The following GAS6 variants were observed in gnomAD, a reference collection of about 807,000 sequenced individuals.
GAS6 encodes growth arrest-specific protein 6.
GAS6 carries 41 observed loss-of-function variants against 75.8 expected under a neutral mutation model. The observed-to-expected ratio is 0.54, with a 90% CI of 0.42 to 0.70. The LOEUF (loss-of-function observed/expected upper bound fraction) is 0.70. GAS6 is among the 30% of genes least tolerant of loss of function. GAS6 has a pLI of 0.00. For missense variants in GAS6, 854 were observed against 940.2 expected (o/e 0.91, Z 1.20); for synonymous variants, 432 against 412.6 (o/e 1.05, Z -0.57).
In GAS6 at chr13:113,820,725, A is replaced by T; in HGVS notation, c.*139T>A. 1 of 1,021,786 alleles carries T rather than the reference A, an allele frequency of 9.8e-7. No homozygotes were observed. The highest frequency in any genetic ancestry group is 1.4e-6 in the Non-Finnish European group (1 of 721,682). 63.3% of individuals were successfully genotyped at this position (1,021,786 alleles called of 1,614,324 possible). On this transcript the variant is annotated 3_prime_UTR_variant, in exon 15 of 15. Transcript: ENST00000327773. ...TCAGAGGCCCCAAGTCCATCTCACT[A>T]TTTACAGATATGTTACAGGCCGGGA...
At chr13:113,832,946 C>T in intron 8 of GAS6, 194 bp from the exon 9 acceptor site, 1 of 1,472,590 alleles carries the variant, frequency 6.8e-7, no homozygotes, top group Non-Finnish European at 9.0e-7. Context: ...GGCGGGCTTG[C>T]AGCAGCCGCT....
At chr13:113,824,901 GGA>G (rs2051514825) in intron 12 of GAS6, among the ~76,000 whole-genome samples, 1 of 152,314 alleles carries the variant, frequency 6.6e-6, no homozygotes, top group African/African-American at 2.4e-5. Flanking sequence ...ACCTGTGAAG[GGA>G]GAGATGATGG....
Position 113,863,608 on chromosome 13 carries a change from C to G in GAS6, c.222G>C (p.Glu74Asp). Residue 74 changes from glutamate to aspartate, a missense_variant, in exon 2 of 15, where the codon GAG becomes GAC. Physicochemically the swap from Glu to Asp is conservative, Grantham distance 45. Transcript: ENST00000327773. This position sits in a 1 kb window ranked among gnomAD's most constrained non-coding sequence, Gnocchi z 9.4. ...ECVEELCSRE[E>D]AREVFENDPE... The stretch of plus-strand genomic sequence containing the variant: ...GGTCGTTCTCGAACACCTCCCGCGC[C>G]TCCTCGCGGCTGCACAGCTCCTCCA... 2 of 1,524,370 alleles carry G rather than the reference C, an allele frequency of 1.3e-6. No homozygotes were observed. The highest frequency in any genetic ancestry group is 1.8e-6 in the Non-Finnish European group (2 of 1,136,074). 94.4% of individuals were successfully genotyped at this position (1,524,370 alleles called of 1,614,324 possible).
intron 3 of GAS6, 47 bp downstream of exon 3, chr13:113,847,979 A>G (rs1274349757): frequency 6.4e-7 from 1 of 1,570,878 alleles, no homozygotes; most frequent in African/African-American, 1.4e-5. Flanking sequence ...ACGCACCCCC[A>G]ACTATGCCTC....
At position 113,856,867 on chromosome 13, in the gene GAS6, A is replaced by G. The variant is rs78694936; in HGVS notation, c.255+6708T>C. On this transcript the variant is annotated intron_variant, in intron 2 of 14. Coordinates refer to ENST00000327773, the MANE Select transcript of GAS6 (RefSeq NM_000820.4). ...GCAGGGACGGTCAACTTAGCAATTC[A>G]GAAAAGAAACAATGTTGACTCAGAG... Among the ~76,000 whole-genome samples the G allele has an allele frequency of 3.6e-3, 544 of 152,352 alleles. 2 individuals carry two copies. The highest frequency in any genetic ancestry group is 0.01 in the Middle Eastern group (3 of 294).
At chr13:113,823,642 C>G (rs553377066) in intron 12 of GAS6, 92 bp from the exon 13 acceptor site, 2 of 1,291,372 alleles carry the variant, frequency 1.5e-6, no homozygotes, top group African/African-American at 1.5e-5. Context: ...CAGTCCCAGC[C>G]GGGGTGGGAA....
At chr13:113,842,973 A>C (rs2138650786) in intron 4 of GAS6, 1 of 396,022 alleles carries the variant, frequency 2.5e-6, no homozygotes, top group Admixed American at 4.4e-5. Context: ...GGCCTCCCCC[A>C]ACTCATTTGT....
chr13:113,840,201 G>A (rs192487929), intron 4 of GAS6: 2 of 265,896 alleles, frequency 7.5e-6, no homozygotes, highest in Non-Finnish European at 1.4e-5. Context: ...ACCCCCAGCT[G>A]ACCTGGGGGC....
rs1186204617 is a variant in GAS6 at position 113,833,111 on chromosome 13, A to C, written c.835-359T>G. 12 of 1,176,444 alleles carry C rather than the reference A, an allele frequency of 1.0e-5. No individual in the cohort carries two copies. In the South Asian group the frequency reaches 1.9e-4, roughly 19 times the overall value. The allele number at this position is 1,176,444 out of a possible 1,614,324, so 72.9% of individuals were successfully genotyped here. On this transcript the variant is annotated intron_variant, in intron 8 of 14. Transcript: ENST00000327773. ...TATGAAATAGATATGGATGCCTTGAAGATGGCTGTCCTGGAAAGTTCCCTG... is the reference window on the plus strand; with the variant it reads ...TATGAAATAGATATGGATGCCTTGACGATGGCTGTCCTGGAAAGTTCCCTG...
In GAS6 at chr13:113,839,666, C is replaced by T. The variant is rs1001613415; in HGVS notation, c.466+62G>A. 90 of 1,586,986 alleles carry T rather than the reference C, an allele frequency of 5.7e-5. No homozygotes were observed. In the African/African-American group the frequency reaches 9.3e-4, roughly 16 times the overall value. On this transcript the variant is annotated intron_variant, in intron 5 of 14. Coordinates refer to ENST00000327773, the MANE Select transcript of GAS6 (RefSeq NM_000820.4). Reference sequence around the variant, plus strand: ...CGTGCCCCGGAGTGGGAGTGAGGAGCGGGGATCAGGGCAGGGTCGGAGATG... The same window carrying T: ...CGTGCCCCGGAGTGGGAGTGAGGAGTGGGGATCAGGGCAGGGTCGGAGATG...
rs146115537 is a variant in GAS6 at position 113,850,025 on chromosome 13, A to C, written c.256-1975T>G. Among the ~76,000 whole-genome samples, 40 of 152,334 alleles carry C rather than the reference A, an allele frequency of 2.6e-4. No individual in the cohort carries two copies. The East Asian group carries it at 5.4e-3, about 21-fold the overall frequency. On this transcript the variant is annotated intron_variant, in intron 2 of 14. Coordinates refer to ENST00000327773, the MANE Select transcript of GAS6 (RefSeq NM_000820.4). The stretch of plus-strand genomic sequence containing the variant: ...TTCTGGTACACACTCCCAAGAAAGA[A>C]AGACATTTCACGTTGTCCTGAGAAC...
chr13:113,839,322 C>T (rs113847056), intron 5 of GAS6: 3,865 of 183,380 alleles, frequency 0.021, 67 homozygotes, highest in Non-Finnish European at 0.032. Flanking sequence ...GAGGTGAAAT[C>T]TCCCCCCGGC....
chr13:113,834,743 G>A (rs997105138), intron 7 of GAS6, 71 bp from the exon 8 acceptor site: 65 of 1,350,288 alleles, frequency 4.8e-5, no homozygotes, highest in South Asian at 2.0e-4. Flanking sequence ...ATCACACCGC[G>A]ATTGCTCAAA....
At chr13:113,841,794 T>C (rs2051783851) in intron 4 of GAS6, 1 of 113,272 alleles carries the variant, frequency 8.8e-6, no homozygotes. Context: ...CCCCACAGTT[T>C]CCTCCATACG....
At chr13:113,823,030 C>T in intron 13 of GAS6, 1 of 207,672 alleles carries the variant, frequency 4.8e-6, no homozygotes, top group Non-Finnish European at 9.6e-6. Context: ...AATTGGAAAA[C>T]TGAGTTTGTT....
chr13:113,855,681 C>G lies in GAS6; in HGVS notation c.256-7631G>C, dbSNP rs2051908803. On this transcript the variant is annotated intron_variant, in intron 2 of 14. Coordinates refer to ENST00000327773, the MANE Select transcript of GAS6 (RefSeq NM_000820.4). ...GGGAGTCACGCCCCGGCCTCTCCCACTGGGCTCCCAGCCTGAGCTCTGCCC... is the reference window on the plus strand; with the variant it reads ...GGGAGTCACGCCCCGGCCTCTCCCAGTGGGCTCCCAGCCTGAGCTCTGCCC... 2.6e-5 allele frequency among the ~76,000 whole-genome samples: 4 copies of G among 152,200 alleles called. No individual in the cohort carries two copies. The South Asian group carries it at 8.3e-4, about 32-fold the overall frequency.
intron 2 of GAS6, among the ~76,000 whole-genome samples, chr13:113,852,739 T>C (rs2051885567): frequency 6.6e-6 from 1 of 152,186 alleles, no homozygotes; most frequent in Non-Finnish European, 1.5e-5. Context: ...AGGTCAAGCA[T>C]GGCAGGGAGC....
At chr13:113,824,033 CGGTGGT>C (rs2051497251) in intron 12 of GAS6, among the ~76,000 whole-genome samples, 1 of 149,236 alleles carries the variant, frequency 6.7e-6, no homozygotes, top group African/African-American at 2.5e-5. Flanking sequence ...GTCATGAGCA[CGGTGGT>C]CTGGGGTCTG....
intron 2 of GAS6, among the ~76,000 whole-genome samples, chr13:113,858,110 G>A (rs555052875): frequency 1.3e-5 from 2 of 152,354 alleles, no homozygotes; most frequent in South Asian, 2.1e-4. Context: ...ACAGAGCCCC[G>A]TGACCTTGTG....
Sources: allele counts gnomAD v4.1 joint callset (sites outside exome capture counted in the v4.1 genomes callset), GRCh38; gene constraint gnomAD v4.1.1; non-coding constraint Gnocchi (gnomAD v3.1); transcripts MANE v1.5; gene names NCBI Gene and HGNC (gene_info 2026-07-23, HGNC 2026-07-21).